RGS7: variants seen among roughly 807,000 people sequenced by gnomAD.
RGS7 encodes the protein regulator of G-protein signaling 7.
In RGS7, 27 loss-of-function variants were observed where a neutral mutation model predicts 81.1. The observed-to-expected ratio is 0.33, with a 90% CI of 0.25 to 0.46. The LOEUF (loss-of-function observed/expected upper bound fraction) is 0.46, where lower values mean the gene tolerates loss of function less well. RGS7 is among the 20% of genes least tolerant of loss of function. The pLI is 1.00. For missense variants in RGS7, 396 were observed against 607.4 expected (o/e 0.65, Z 3.66); for synonymous variants, 208 against 207.7 (o/e 1.00, Z -0.01).
intron 4 of RGS7, among the ~76,000 whole-genome samples, chr1:240,952,778 G>A (rs780800878): frequency 6.6e-6 from 1 of 151,720 alleles, no homozygotes; most frequent in African/African-American, 2.4e-5. Context: ...AAAAAGACCT[G>A]ACTATACATG....
At chr1:241,030,373 T>TATATATATATATATATACACACACAC (rs374223475) in intron 3 of RGS7, among the ~76,000 whole-genome samples, 4 of 135,186 alleles carry the variant, frequency 3.0e-5, no homozygotes, top group South Asian at 2.3e-4. Flanking sequence ...TATATATATA[T>TATATATATATATATATACACACACAC]ACATACACAC....
intron 4 of RGS7, among the ~76,000 whole-genome samples, chr1:240,970,714 G>C (rs528690844): frequency 6.6e-6 from 1 of 152,314 alleles, no homozygotes; most frequent in South Asian, 2.1e-4. Flanking sequence ...GCCAGGCAGA[G>C]TGGCTTACAC....
intron 6 of RGS7, among the ~76,000 whole-genome samples, chr1:240,912,109 C>T (rs1259624391): frequency 7.6e-6 from 1 of 132,154 alleles, no homozygotes; most frequent in Non-Finnish European, 1.5e-5. Flanking sequence ...TGAGATCGTG[C>T]CACTGCACTC....
chr1:240,898,005 C>A lies in RGS7; in HGVS notation c.386-27886G>T, dbSNP rs945328432. Among the ~76,000 whole-genome samples, 3 of 152,038 alleles carry A rather than the reference C, an allele frequency of 2.0e-5. No homozygotes were observed. In the South Asian group the frequency reaches 6.2e-4, roughly 31 times the overall value. On this transcript the variant is annotated intron_variant, in intron 6 of 18. Transcript: ENST00000440928. ...GGGATTCCACTTCTTCCTGGTTTAG[C>A]CTTGGGAGTGTGTATGTGTCCAGAA...
chr1:241,276,420 T>C (rs2078197706), intron 2 of RGS7, among the ~76,000 whole-genome samples: 1 of 152,200 alleles, frequency 6.6e-6, no homozygotes, highest in Non-Finnish European at 1.5e-5. Flanking sequence ...AGATATATCT[T>C]CCTAGCCAAA....
At position 240,785,579 on chromosome 1, in the gene RGS7, T is replaced by C. The variant is rs191472924; in HGVS notation, c.*7-9366A>G. ...TGAGCTCCTTGGCTGCAAATCTCAT[T>C]AAGGGAATAAACTTCTAGAAATCAG... On this transcript the variant is annotated intron_variant, in intron 18 of 18. Transcript: ENST00000440928. Among the ~76,000 whole-genome samples the C allele has an allele frequency of 4.6e-5, 7 of 152,266 alleles. No individual in the cohort carries two copies. In the East Asian group the frequency reaches 1.4e-3, roughly 29 times the overall value.
intron 2 of RGS7, among the ~76,000 whole-genome samples, chr1:241,308,770 A>C (rs992366925): frequency 6.6e-6 from 1 of 152,186 alleles, no homozygotes; most frequent in Admixed American, 6.5e-5. Flanking sequence ...TAATATACAC[A>C]GAAAAGACAC....
At chr1:240,914,920 T>C (rs1193187001) in intron 6 of RGS7, among the ~76,000 whole-genome samples, 1 of 152,136 alleles carries the variant, frequency 6.6e-6, no homozygotes, top group East Asian at 1.9e-4. Context: ...AACATTGGGA[T>C]AGAAAAACTT....
At chr1:241,184,074 A>C (rs1201109971) in intron 2 of RGS7, among the ~76,000 whole-genome samples, 1 of 152,212 alleles carries the variant, frequency 6.6e-6, no homozygotes, top group Non-Finnish European at 1.5e-5. Context: ...CTTTGCACCC[A>C]TCAACAACAG....
At chr1:241,052,090 T>C (rs1030318533) in intron 3 of RGS7, among the ~76,000 whole-genome samples, 3 of 152,164 alleles carry the variant, frequency 2.0e-5, no homozygotes, top group Admixed American at 6.6e-5. Context: ...GACCACAGCT[T>C]GTTCAAATCA....
chr1:240,998,329 C>T (rs1352104411), intron 3 of RGS7: 1 of 439,930 alleles, frequency 2.3e-6, no homozygotes, highest in Non-Finnish European at 4.1e-6. Flanking sequence ...CTTCTCTCAG[C>T]TTCTTCAACT....
At chr1:241,138,280 T>C (rs2067673883) in intron 2 of RGS7, among the ~76,000 whole-genome samples, 1 of 151,886 alleles carries the variant, frequency 6.6e-6, no homozygotes. Flanking sequence ...CACAGGTAAG[T>C]GATACAGGTA....
At chr1:241,228,871 A>AT (rs2075479735) in intron 2 of RGS7, among the ~76,000 whole-genome samples, 1 of 152,168 alleles carries the variant, frequency 6.6e-6, no homozygotes, top group South Asian at 2.1e-4. Context: ...ATATGAATAA[A>AT]ACAATGAAAT....
intron 4 of RGS7, among the ~76,000 whole-genome samples, chr1:240,979,464 GA>G (rs1330830644): frequency 6.6e-6 from 1 of 152,140 alleles, no homozygotes; most frequent in Admixed American, 6.5e-5. Flanking sequence ...TGAAAAGATA[GA>G]GTATATTCTT....
chr1:241,010,859 G>A (rs1397099436), intron 3 of RGS7, among the ~76,000 whole-genome samples: 26 of 152,114 alleles, frequency 1.7e-4, no homozygotes, highest in Admixed American at 1.7e-3. Context: ...TCAAAGTCTT[G>A]ATCCTCTCAT....
intron 3 of RGS7, among the ~76,000 whole-genome samples, chr1:241,072,780 A>G (rs1006706489): frequency 1.2e-4 from 18 of 152,170 alleles, no homozygotes; most frequent in African/African-American, 4.1e-4. Flanking sequence ...ACACGATAGC[A>G]CCAGAGGCAG....
chr1:241,327,147 G>GAAAGAAAAGA (rs879828806), intron 2 of RGS7, among the ~76,000 whole-genome samples: 12 of 74,432 alleles, frequency 1.6e-4, no homozygotes, highest in African/African-American at 4.7e-4. Context: ...AGAAAGAAAG[G>GAAAGAAAAGA]AAAGAAAGAA....
chr1:241,117,569 A>C (rs2065958480), intron 2 of RGS7, among the ~76,000 whole-genome samples: 1 of 152,174 alleles, frequency 6.6e-6, no homozygotes, highest in South Asian at 2.1e-4. Flanking sequence ...TGCAAATCAG[A>C]TAAACTGAGT....
chr1:240,979,366 C>G (rs773726381), intron 4 of RGS7, among the ~76,000 whole-genome samples: 1 of 151,580 alleles, frequency 6.6e-6, no homozygotes, highest in African/African-American at 2.4e-5. Context: ...ATAAAATAAC[C>G]GAAATAAGCT....
Sources: allele counts gnomAD v4.1 joint callset (sites outside exome capture counted in the v4.1 genomes callset), GRCh38; gene constraint gnomAD v4.1.1; transcripts MANE v1.5; gene names NCBI Gene and HGNC (gene_info 2026-07-23, HGNC 2026-07-21).